The following GALNT13 variants were observed in gnomAD, a reference collection of about 807,000 sequenced individuals.
GALNT13 encodes the protein UDP-GalNAc:polypeptide N-acetylgalactosaminyltransferase 13.
Under a neutral mutation model 64.2 loss-of-function variants are expected in GALNT13, and 28 were observed. The observed-to-expected ratio is 0.44, with a 90% CI of 0.32 to 0.60. GALNT13 has a LOEUF of 0.60. GALNT13 is among the 20% of genes least tolerant of loss of function. GALNT13 has a pLI of 0.05. For synonymous variants in GALNT13, 214 were observed against 224.6 expected, an observed-to-expected ratio of 0.95 and a Z score of 0.42; for missense variants, 577 against 669.8, an observed-to-expected ratio of 0.86 and a Z score of 1.53.
At chr2:154,011,139 T>C (rs1168340138) in intron 3 of GALNT13, among the ~76,000 whole-genome samples, 4 of 152,186 alleles carry the variant, frequency 2.6e-5, no homozygotes, top group Non-Finnish European at 5.9e-5. Flanking sequence ...TTGCTAGTTT[T>C]TGGGTTGGTT....
chr2:153,474,466 C>T, the GALNT13 span, among the ~76,000 whole-genome samples: 1 of 152,204 alleles, frequency 6.6e-6, no homozygotes, highest in African/African-American at 2.4e-5. Flanking sequence ...CTACCAGGAA[C>T]TAGTGTGATC....
the GALNT13 span, among the ~76,000 whole-genome samples, chr2:153,669,631 T>A: frequency 3.9e-5 from 6 of 152,166 alleles, no homozygotes; most frequent in Non-Finnish European, 8.8e-5. Context: ...ACAGGTGATT[T>A]CTGCATTTCC....
At chr2:154,002,030 T>G (rs1471375694) in intron 3 of GALNT13, among the ~76,000 whole-genome samples, 1 of 152,130 alleles carries the variant, frequency 6.6e-6, no homozygotes, top group East Asian at 1.9e-4. Context: ...TGCTGAAAAA[T>G]CTGCTGGAAG....
chr2:153,364,841 C>T, the GALNT13 span, among the ~76,000 whole-genome samples: 1 of 152,106 alleles, frequency 6.6e-6, no homozygotes, highest in Admixed American at 6.5e-5. Flanking sequence ...ATGCTAATCC[C>T]ATCAAACTAC....
chr2:153,660,526 T>G, the GALNT13 span, among the ~76,000 whole-genome samples: 2 of 150,562 alleles, frequency 1.3e-5, no homozygotes. Context: ...AGGGGAGCAA[T>G]AGGATTGGAG....
At chr2:154,215,676 C>A (rs1043564871) in intron 4 of GALNT13, among the ~76,000 whole-genome samples, 7 of 152,084 alleles carry the variant, frequency 4.6e-5, no homozygotes, top group Non-Finnish European at 7.4e-5. Flanking sequence ...GGATTTATTT[C>A]TCTTTCTTTC....
chr2:153,211,402 C>G, the GALNT13 span, among the ~76,000 whole-genome samples: 1 of 152,122 alleles, frequency 6.6e-6, no homozygotes, highest in African/African-American at 2.4e-5. Flanking sequence ...CTTGGCTTCC[C>G]AAAGTGCTAG....
At chr2:154,315,098 T>C (rs1468523486) in intron 9 of GALNT13, among the ~76,000 whole-genome samples, 1 of 152,112 alleles carries the variant, frequency 6.6e-6, no homozygotes, top group Non-Finnish European at 1.5e-5. Flanking sequence ...ATATGCTAAA[T>C]TGTCCCTTTA....
At chr2:153,561,099 G>T in the GALNT13 span, among the ~76,000 whole-genome samples, 1 of 151,438 alleles carries the variant, frequency 6.6e-6, no homozygotes, top group African/African-American at 2.4e-5. Flanking sequence ...ATCTTGCTAA[G>T]TCTATTGATT....
the GALNT13 span, among the ~76,000 whole-genome samples, chr2:153,543,855 T>G: frequency 6.6e-6 from 1 of 152,326 alleles, no homozygotes; most frequent in South Asian, 2.1e-4. Flanking sequence ...TTAAATACCT[T>G]TCTCTATTTA....
At chr2:153,813,133 G>A in the GALNT13 span, among the ~76,000 whole-genome samples, 1 of 152,010 alleles carries the variant, frequency 6.6e-6, no homozygotes, top group African/African-American at 2.4e-5. Flanking sequence ...CTGTATATGA[G>A]TTTTGAATTC....
chr2:153,587,542 A>G, the GALNT13 span, among the ~76,000 whole-genome samples: 1 of 152,216 alleles, frequency 6.6e-6, no homozygotes, highest in Non-Finnish European at 1.5e-5. Context: ...GTGCAGGGGA[A>G]CCCCTCTTTA....
intron 3 of GALNT13, among the ~76,000 whole-genome samples, chr2:154,129,947 A>G (rs944342506): frequency 5.9e-5 from 9 of 152,014 alleles, no homozygotes; most frequent in Non-Finnish European, 8.8e-5. Flanking sequence ...ACCTCAAGCC[A>G]TCTCTCCCTT....
chr2:154,294,292 A>T (rs1027064488), intron 8 of GALNT13, among the ~76,000 whole-genome samples: 2 of 152,224 alleles, frequency 1.3e-5, no homozygotes, highest in Non-Finnish European at 2.9e-5. Flanking sequence ...TACAAATATC[A>T]ATGCTTGCAG....
chr2:153,160,191 A>C, the GALNT13 span, among the ~76,000 whole-genome samples: 1 of 152,234 alleles, frequency 6.6e-6, no homozygotes, highest in African/African-American at 2.4e-5. Flanking sequence ...AGATTTACAG[A>C]TAAGAGGAAC....
At chr2:153,082,820 T>G in the GALNT13 span, among the ~76,000 whole-genome samples, 3 of 146,928 alleles carry the variant, frequency 2.0e-5, no homozygotes, top group East Asian at 5.9e-4. Context: ...AAATAAAATA[T>G]ATTTTATTTA....
chr2:154,142,549 C>CAA (rs71396392), intron 4 of GALNT13, among the ~76,000 whole-genome samples: 2,053 of 66,032 alleles, frequency 0.031, 45 homozygotes, highest in Non-Finnish European at 0.039. Context: ...AACTCTGTCT[C>CAA]AAAAAAAAAA....
intron 11 of GALNT13, among the ~76,000 whole-genome samples, chr2:154,432,638 T>C (rs1226618396): frequency 6.6e-6 from 1 of 152,172 alleles, no homozygotes; most frequent in African/African-American, 2.4e-5. Context: ...TCTTCTAGCT[T>C]CCGGTGTTTG....
chr2:153,850,753 A>G, the GALNT13 span, among the ~76,000 whole-genome samples: 238 of 152,340 alleles, frequency 1.6e-3, 1 homozygote, highest in Non-Finnish European at 2.3e-3. Flanking sequence ...AAGTTCTGGG[A>G]TGAGAAAGGC....
Sources: gnomAD v4.1 joint callset for allele counts (sites outside exome capture counted in the v4.1 genomes callset) on GRCh38, gnomAD v4.1.1 for gene constraint, MANE v1.5 for transcripts, NCBI Gene and HGNC (gene_info 2026-07-23, HGNC 2026-07-21) for gene names.